Variants in MYT1L observed in about 807,000 individuals in gnomAD.
MYT1L encodes myelin transcription factor 1-like protein.
MYT1L carries 12 observed loss-of-function variants against 126.7 expected under a neutral mutation model. The observed-to-expected ratio is 0.09, with a 90% CI of 0.06 to 0.15. The LOEUF (loss-of-function observed/expected upper bound fraction) is 0.15, where lower values mean the gene tolerates loss of function less well. Ranked by LOEUF, MYT1L falls within the 10% of genes least tolerant of loss-of-function variation. The pLI, the probability that MYT1L is intolerant of heterozygous loss-of-function variation, is 1.00. For missense variants in MYT1L, 979 were observed against 1,585.2 expected (o/e 0.62, Z 6.49); for synonymous variants, 541 against 604.2 (o/e 0.90, Z 1.53).
intron 3 of MYT1L, among the ~76,000 whole-genome samples, chr2:2,150,733 G>A (rs1223441755): frequency 1.3e-5 from 2 of 151,914 alleles, no homozygotes; most frequent in African/African-American, 4.8e-5. Context: ...ACAAAGATTC[G>A]AAATGTACAA....
intron 4 of MYT1L, among the ~76,000 whole-genome samples, chr2:2,022,205 C>G (rs1244746767): frequency 6.6e-6 from 1 of 152,164 alleles, no homozygotes; most frequent in Non-Finnish European, 1.5e-5. Flanking sequence ...TGAGGCTATG[C>G]AGGATTCCTT....
intron 3 of MYT1L, among the ~76,000 whole-genome samples, chr2:2,058,870 C>T (rs1165089189): frequency 6.6e-6 from 1 of 152,174 alleles, no homozygotes; most frequent in Non-Finnish European, 1.5e-5. Flanking sequence ...GTCTTGTTTC[C>T]ACTCTAGTAT....
intron 2 of MYT1L, among the ~76,000 whole-genome samples, chr2:2,263,999 A>G (rs2095058044): frequency 6.6e-6 from 1 of 152,216 alleles, no homozygotes; most frequent in Non-Finnish European, 1.5e-5. Context: ...TACTTAAGTG[A>G]TAATAATACT....
chr2:2,231,622 AT>A (rs1040699449), intron 2 of MYT1L, among the ~76,000 whole-genome samples: 14 of 151,928 alleles, frequency 9.2e-5, no homozygotes, highest in Non-Finnish European at 1.6e-4. Flanking sequence ...TAATTTTTGT[AT>A]TTTTTGTAAA....
intron 8 of MYT1L, among the ~76,000 whole-genome samples, chr2:1,969,267 G>A (rs1405239383): frequency 1.3e-5 from 2 of 152,206 alleles, no homozygotes; most frequent in Admixed American, 6.5e-5. Flanking sequence ...ACCGTTATGC[G>A]GACCCCAGGT....
chr2:2,013,590 C>A (rs530266116), intron 4 of MYT1L, among the ~76,000 whole-genome samples: 18 of 152,270 alleles, frequency 1.2e-4, no homozygotes, highest in Non-Finnish European at 2.6e-4. Context: ...CTGGCTATAA[C>A]CTCGGCTGTT....
intron 19 of MYT1L, chr2:1,842,247 T>C (rs2041830789): frequency 6.6e-6 from 1 of 152,400 alleles, no homozygotes; most frequent in Admixed American, 6.5e-5. Flanking sequence ...GGAGGCTCCA[T>C]CCTGCCTCCC....
At chr2:1,891,346 C>T (rs775374060) in intron 15 of MYT1L, among the ~76,000 whole-genome samples, 6 of 152,214 alleles carry the variant, frequency 3.9e-5, no homozygotes, top group Non-Finnish European at 8.8e-5. Flanking sequence ...CTCCCTGGCA[C>T]CGCCTGGTTC....
rs796205428 is a variant in MYT1L at position 2,217,703 on chromosome 2, CAACAA to C, written c.-420-44720_-420-44716del. Among the ~76,000 whole-genome samples the C allele has an allele frequency of 2.7e-4, 20 of 74,038 alleles. No homozygotes were observed. In the East Asian group the frequency reaches 4.0e-3, roughly 15 times the overall value. The allele number at this position is 74,038 out of a possible 152,430, so 48.6% of individuals were successfully genotyped here. On this transcript the variant is annotated intron_variant, in intron 2 of 24. Coordinates refer to ENST00000647738, the MANE Select transcript of MYT1L (RefSeq NM_001303052.2). ...ACAACAACAACAACAACAACAACAACAACAAAAAAAAAAAAAGAAAGAAGGAAAAA... is the reference window on the plus strand; with the variant it reads ...ACAACAACAACAACAACAACAACAACAAAAAAAAAAAGAAAGAAGGAAAAA...
At position 1,791,475 on chromosome 2, in the gene MYT1L, C is replaced by T. The variant is rs79385111; in HGVS notation, c.*392G>A. On this transcript the variant is annotated 3_prime_UTR_variant, in exon 25 of 25. Coordinates refer to ENST00000647738, the MANE Select transcript of MYT1L (RefSeq NM_001303052.2). The surrounding 1 kb of genome is among the most constrained non-coding windows in gnomAD (Gnocchi z 6.0). ...ATTCAAAGCTGTGGGTCTGTGTGTG[C>T]GTGTGTGTGTTTGTGTGTCCATTTC... The T allele has an allele frequency of 7.8e-5, 27 of 344,532 alleles. No individual in the cohort carries two copies. In the East Asian group the frequency reaches 8.3e-4, roughly 11 times the overall value. 21.3% of individuals were successfully genotyped at this position (344,532 alleles called of 1,614,324 possible).
intron 2 of MYT1L, among the ~76,000 whole-genome samples, chr2:2,219,314 G>A (rs144255203): frequency 6.6e-5 from 10 of 152,272 alleles, no homozygotes; most frequent in Non-Finnish European, 1.2e-4. Flanking sequence ...GACTGAGAGG[G>A]TTTAGAATTG....
chr2:1,976,623 C>A (rs2060206873), intron 8 of MYT1L, among the ~76,000 whole-genome samples: 1 of 152,184 alleles, frequency 6.6e-6, no homozygotes, highest in Admixed American at 6.5e-5. Context: ...GCCTGGGCAA[C>A]AGAGTGAGAC....
intron 21 of MYT1L, among the ~76,000 whole-genome samples, chr2:1,815,076 A>G (rs1424554099): frequency 1.3e-5 from 2 of 152,238 alleles, no homozygotes; most frequent in East Asian, 3.9e-4. Context: ...GGTTGAATAT[A>G]GAGAAAGGAT....
intron 18 of MYT1L, among the ~76,000 whole-genome samples, chr2:1,859,422 G>T (rs1265277296): frequency 6.6e-6 from 1 of 152,152 alleles, no homozygotes; most frequent in African/African-American, 2.4e-5. Context: ...TGACGCAGAT[G>T]AGATTTTGGA....
In MYT1L at chr2:1,978,069, G is replaced by A. The variant is rs141966458; in HGVS notation, c.152+1096C>T. ...AATTGTTTCGTGGGGTCTCTCATTA[G>A]ACATTCTTGCCTCCACAAATGCTAG... On this transcript the variant is annotated intron_variant, in intron 8 of 24. Coordinates refer to ENST00000647738, the MANE Select transcript of MYT1L (RefSeq NM_001303052.2). 1.8e-4 allele frequency among the ~76,000 whole-genome samples: 28 copies of A among 152,306 alleles called. No individual in the cohort carries two copies. The East Asian group carries it at 4.6e-3, about 25-fold the overall frequency.
chr2:2,122,868 TGTGTGA>T (rs1204426267), intron 3 of MYT1L, among the ~76,000 whole-genome samples: 5 of 143,582 alleles, frequency 3.5e-5, no homozygotes, highest in African/African-American at 1.1e-4. Context: ...TGTGTGTGTG[TGTGTGA>T]GAGAGAGAGA....
chr2:1,802,014 A>G (rs2034943655), intron 22 of MYT1L: 1 of 481,514 alleles, frequency 2.1e-6, no homozygotes, highest in Middle Eastern at 5.6e-4. Flanking sequence ...AAAAAGGAAC[A>G]AACAATTGAG....
At chr2:1,849,057 T>C (rs932964699) in intron 19 of MYT1L, among the ~76,000 whole-genome samples, 1 of 152,144 alleles carries the variant, frequency 6.6e-6, no homozygotes, top group East Asian at 1.9e-4. Flanking sequence ...AATCATGGGT[T>C]TGTGCTATAT....
intron 21 of MYT1L, among the ~76,000 whole-genome samples, chr2:1,812,555 G>A (rs949718317): frequency 1.3e-5 from 2 of 152,108 alleles, no homozygotes; most frequent in Non-Finnish European, 2.9e-5. Context: ...AGAGGCCTGC[G>A]GCAGGATTTT....
Sources: gnomAD v4.1 joint callset for allele counts (sites outside exome capture counted in the v4.1 genomes callset) on GRCh38, gnomAD v4.1.1 for gene constraint, Gnocchi (gnomAD v3.1) non-coding constraint, MANE v1.5 for transcripts, NCBI Gene and HGNC (gene_info 2026-07-23, HGNC 2026-07-21) for gene names.